EEA1: variants seen among roughly 807,000 people sequenced by gnomAD.
EEA1 encodes the protein early endosome antigen 1, 162kD.
In EEA1, 111 loss-of-function variants were observed where a neutral mutation model predicts 209.2. That is an observed-to-expected ratio of 0.53 (90% confidence interval 0.45 to 0.62). EEA1 has a LOEUF of 0.62. Ranked by LOEUF, EEA1 falls within the 20% of genes least tolerant of loss-of-function variation. EEA1 has a pLI of 0.00. For synonymous variants in EEA1, 536 were observed against 540.6 expected, an observed-to-expected ratio of 0.99 and a Z score of 0.12; for missense variants, 1,343 against 1,530.8, an observed-to-expected ratio of 0.88 and a Z score of 2.05.
intron 1 of EEA1, among the ~76,000 whole-genome samples, chr12:92,906,700 G>C (rs998830268): frequency 1.4e-4 from 22 of 152,126 alleles, no homozygotes; most frequent in Non-Finnish European, 1.9e-4. Flanking sequence ...TGTAGTCCCA[G>C]CTACTGGGGA....
intron 2 of EEA1, among the ~76,000 whole-genome samples, chr12:92,881,968 C>G (rs1879166660): frequency 6.6e-6 from 1 of 152,290 alleles, no homozygotes; most frequent in Non-Finnish European, 1.5e-5. Context: ...CCTCCTCCTC[C>G]TCCTCATCCT....
At chr12:92,866,572 T>C (rs1312362971) in intron 2 of EEA1, among the ~76,000 whole-genome samples, 1 of 152,124 alleles carries the variant, frequency 6.6e-6, no homozygotes. Context: ...TAAAGATCAC[T>C]GTTCCCCAGG....
intron 1 of EEA1, among the ~76,000 whole-genome samples, chr12:92,894,490 G>A (rs532435213): frequency 1.3e-5 from 2 of 152,068 alleles, no homozygotes; most frequent in Non-Finnish European, 2.9e-5. Context: ...AGTTCCTGGG[G>A]AAATTAAAAG....
At position 92,826,289 on chromosome 12, in the gene EEA1, A is replaced by C; in HGVS notation, c.1405-4T>G. On this transcript the variant is annotated splice_region_variant and splice_polypyrimidine_tract_variant and intron_variant, in intron 12 of 28. Coordinates refer to ENST00000322349, the MANE Select transcript of EEA1 (RefSeq NM_003566.4). ...AATTTGTAACTTTTTCCTTCAACTT[A>C]AAAAAATGTAGATTGTCAATTGAGA... is the stretch of plus-strand genomic sequence containing the variant. 1 of 1,605,566 alleles carries C rather than the reference A, an allele frequency of 6.2e-7. No individual in the cohort carries two copies. The highest frequency in any genetic ancestry group is 1.3e-5 in the African/African-American group (1 of 74,772).
At chr12:92,853,601 T>C (rs1877733213) in intron 6 of EEA1, among the ~76,000 whole-genome samples, 1 of 152,200 alleles carries the variant, frequency 6.6e-6, no homozygotes, top group Non-Finnish European at 1.5e-5. Context: ...TACTTCATCA[T>C]AAAGAAAATA....
At chr12:92,900,762 A>G (rs1256339731) in intron 1 of EEA1, among the ~76,000 whole-genome samples, 13 of 150,656 alleles carry the variant, frequency 8.6e-5, no homozygotes, top group African/African-American at 3.2e-4. Context: ...TCTGCCTCCC[A>G]GGTTCAAGTG....
In EEA1 at chr12:92,774,943, A is replaced by G. The variant is rs1873593463; in HGVS notation, c.*1068T>C. 1 of 151,740 alleles carries G rather than the reference A, an allele frequency of 6.6e-6. No homozygotes were observed. The highest frequency in any genetic ancestry group is 1.5e-5 in the Non-Finnish European group (1 of 67,678). 9.4% of individuals were successfully genotyped at this position (151,740 alleles called of 1,614,324 possible). On this transcript the variant is annotated 3_prime_UTR_variant, in exon 29 of 29. Transcript: ENST00000322349. ...CATTTTATATTTTGTTTTCACCAATAAGACCACAGCAATATTAGTTACTAG... is the reference window on the plus strand; with the variant it reads ...CATTTTATATTTTGTTTTCACCAATGAGACCACAGCAATATTAGTTACTAG...
At chr12:92,908,423 TA>T (rs1373593211) in intron 1 of EEA1, among the ~76,000 whole-genome samples, 1 of 152,128 alleles carries the variant, frequency 6.6e-6, no homozygotes, top group African/African-American at 2.4e-5. Context: ...ATTATACACT[TA>T]AAAATGGTAA....
In EEA1 at chr12:92,888,556, G is replaced by A. The variant is rs139050509; in HGVS notation, c.117+3073C>T. 6.2e-3 allele frequency among the ~76,000 whole-genome samples: 923 copies of A among 148,836 alleles called. 19 individuals carry two copies. The highest frequency in any genetic ancestry group is 0.022 in the African/African-American group (875 of 40,576). On this transcript the variant is annotated intron_variant, in intron 2 of 28. Coordinates refer to ENST00000322349, the MANE Select transcript of EEA1 (RefSeq NM_003566.4). Reference sequence around the variant, plus strand: ...CGCGCCACTGCACTTCAGCCTGGGCGACAGAGCCAGACTCCATCTAAAAAA... The same window carrying A: ...CGCGCCACTGCACTTCAGCCTGGGCAACAGAGCCAGACTCCATCTAAAAAA...
At chr12:92,875,525 A>G (rs969859682) in intron 2 of EEA1, among the ~76,000 whole-genome samples, 3 of 152,082 alleles carry the variant, frequency 2.0e-5, no homozygotes, top group African/African-American at 4.8e-5. Flanking sequence ...CAGCACCTCT[A>G]CTGTTACCAC....
At chr12:92,926,987 AC>A (rs1432155129) in intron 1 of EEA1, among the ~76,000 whole-genome samples, 2 of 152,134 alleles carry the variant, frequency 1.3e-5, no homozygotes, top group Middle Eastern at 3.2e-3. Flanking sequence ...ACTGTTTCCT[AC>A]CCCTTAGCAT....
chr12:92,785,546 G>A (rs1385508262), intron 22 of EEA1, among the ~76,000 whole-genome samples: 1 of 152,104 alleles, frequency 6.6e-6, no homozygotes, highest in East Asian at 1.9e-4. Flanking sequence ...CCTAGGAATT[G>A]ACTATTTTTT....
At chr12:92,910,185 C>T (rs1166050714) in intron 1 of EEA1, among the ~76,000 whole-genome samples, 2 of 98,712 alleles carry the variant, frequency 2.0e-5, no homozygotes, top group African/African-American at 7.6e-5. Flanking sequence ...AAAAAATTAA[C>T]TCAAGGTCAG....
chr12:92,888,472 G>T lies in EEA1; in HGVS notation c.117+3157C>A, dbSNP rs943917432. Among the ~76,000 whole-genome samples the T allele has an allele frequency of 7.9e-5, 12 of 151,930 alleles. 1 individual carries two copies. Among genetic ancestry groups the T allele is most frequent in the Non-Finnish European group, 1.5e-5 (1 of 67,990 alleles). ...GGTGCCTGTAGTCCCAGCTACTCGG[G>T]AGGCTGAGGCAGGAGAATGGCGTGA... On this transcript the variant is annotated intron_variant, in intron 2 of 28. Coordinates refer to ENST00000322349, the MANE Select transcript of EEA1 (RefSeq NM_003566.4).
chr12:92,855,253 C>G (rs1335406779), intron 5 of EEA1, among the ~76,000 whole-genome samples: 1 of 152,128 alleles, frequency 6.6e-6, no homozygotes, highest in African/African-American at 2.4e-5. Flanking sequence ...TATGGTGAAA[C>G]CCCGTCTCTA....
chr12:92,825,252 C>T (rs1310839113), intron 13 of EEA1, among the ~76,000 whole-genome samples: 2 of 152,012 alleles, frequency 1.3e-5, no homozygotes, highest in African/African-American at 4.8e-5. Context: ...GAGATCGAGA[C>T]CATCCTGGCT....
intron 11 of EEA1, among the ~76,000 whole-genome samples, chr12:92,831,359 T>C (rs1703054460): frequency 6.6e-6 from 1 of 151,280 alleles, no homozygotes; most frequent in African/African-American, 2.4e-5. Context: ...AAACTTCATC[T>C]GATAGCCACT....
chr12:92,879,250 T>G (rs187325484), intron 2 of EEA1: 106 of 377,372 alleles, frequency 2.8e-4, no homozygotes, highest in Middle Eastern at 9.1e-4. Context: ...TACTTACCAG[T>G]TGGACATCCT....
chr12:92,852,311 T>C lies in EEA1; in HGVS notation c.521-15A>G, dbSNP rs754724746. 1 of 1,519,204 alleles carries C rather than the reference T, an allele frequency of 6.6e-7. No individual in the cohort carries two copies. The highest frequency in any genetic ancestry group is 8.8e-7 in the Non-Finnish European group (1 of 1,134,482). The allele number at this position is 1,519,204 out of a possible 1,614,324, so 94.1% of individuals were successfully genotyped here. On this transcript the variant is annotated splice_polypyrimidine_tract_variant and intron_variant, in intron 7 of 28. Coordinates refer to ENST00000322349, the MANE Select transcript of EEA1 (RefSeq NM_003566.4). ...TGACTTTATATCTAATTAAAGATAG[T>C]TATATAAATATTAGTTTAAGGGGAG...
Sources: gnomAD v4.1 joint callset for allele counts (sites outside exome capture counted in the v4.1 genomes callset) on GRCh38, gnomAD v4.1.1 for gene constraint, MANE v1.5 for transcripts, NCBI Gene and HGNC (gene_info 2026-07-23, HGNC 2026-07-21) for gene names.